Variants in COA1 observed in about 807,000 individuals in gnomAD.
COA1 encodes cytochrome c oxidase assembly factor 1, also known as cytochrome c oxidase assembly factor 1 homolog.
Under a neutral mutation model 16.0 loss-of-function variants are expected in COA1, and 13 were observed. The ratio of observed to expected loss-of-function variants is 0.81; its 90% CI spans 0.53 to 1.29. The LOEUF (loss-of-function observed/expected upper bound fraction) is 1.29. COA1 is among the 50% of genes most tolerant of loss of function. The pLI, the probability that COA1 is intolerant of heterozygous loss-of-function variation, is 0.00. For synonymous variants in COA1, 65 were observed against 65.7 expected, an observed-to-expected ratio of 0.99 and a Z score of 0.05; for missense variants, 179 against 177.0, an observed-to-expected ratio of 1.01 and a Z score of -0.06.
intron 1 of COA1, among the ~76,000 whole-genome samples, chr7:43,682,724 G>A (rs1213644892): frequency 2.6e-5 from 4 of 151,868 alleles, no homozygotes; most frequent in African/African-American, 9.7e-5. Flanking sequence ...GATAATCAAG[G>A]AAATGACAAA....
chr7:43,625,440 T>A (rs2084399786), intron 6 of COA1: 1 of 152,230 alleles, frequency 6.6e-6, no homozygotes, highest in Non-Finnish European at 1.5e-5. Context: ...TAGTAACATA[T>A]CAGTGAAAAA....
At chr7:43,678,155 T>C (rs947572085) in intron 1 of COA1, among the ~76,000 whole-genome samples, 1 of 152,182 alleles carries the variant, frequency 6.6e-6, no homozygotes, top group Non-Finnish European at 1.5e-5. Context: ...ACTTAGTAAT[T>C]TGTATAAAGT....
At chr7:43,630,220 T>C (rs1244625654) in intron 6 of COA1, among the ~76,000 whole-genome samples, 1 of 152,180 alleles carries the variant, frequency 6.6e-6, no homozygotes, top group Admixed American at 6.5e-5. Context: ...AAATAGATAT[T>C]TTCTATTTAA....
chr7:43,659,612 A>G (rs2092218812), intron 1 of COA1, among the ~76,000 whole-genome samples: 1 of 152,194 alleles, frequency 6.6e-6, no homozygotes, highest in African/African-American at 2.4e-5. Context: ...AAAAACATTT[A>G]TAAAAATAAA....
intron 1 of COA1, among the ~76,000 whole-genome samples, chr7:43,653,988 A>G (rs867613345): frequency 1.1e-4 from 17 of 152,340 alleles, no homozygotes; most frequent in Middle Eastern, 3.4e-3. Context: ...AAAGACAGAA[A>G]GTAGGGCCTG....
chr7:43,632,259 CCATA>C (rs1320391685), intron 6 of COA1: 1 of 160,076 alleles, frequency 6.2e-6, no homozygotes, highest in African/African-American at 2.4e-5. Flanking sequence ...AACTTCTCAT[CCATA>C]CAAGTTTGAT....
At chr7:43,710,348 CAAAAAAAAAAA>C (rs1165121530) in intron 1 of COA1, among the ~76,000 whole-genome samples, 4 of 52,446 alleles carry the variant, frequency 7.6e-5, no homozygotes, top group African/African-American at 1.4e-4. Flanking sequence ...GACTCTGTCT[CAAAAAAAAAAA>C]AAAAAAAAAA....
intron 1 of COA1, among the ~76,000 whole-genome samples, chr7:43,698,684 T>G (rs1026894318): frequency 5.3e-5 from 8 of 152,206 alleles, no homozygotes; most frequent in Admixed American, 3.9e-4. Flanking sequence ...TATAAATTGT[T>G]AGTGGCTGTG....
chr7:43,611,884 C>A (rs1583603008), intron 6 of COA1, among the ~76,000 whole-genome samples: 2 of 152,206 alleles, frequency 1.3e-5, no homozygotes, highest in Non-Finnish European at 2.9e-5. Flanking sequence ...CAGCTTATGA[C>A]AGTTGAACCT....
chr7:43,673,365 G>A (rs987732857), intron 1 of COA1, among the ~76,000 whole-genome samples: 3 of 152,098 alleles, frequency 2.0e-5, no homozygotes, highest in African/African-American at 4.8e-5. Context: ...AAGAAGACAT[G>A]TAAGTGGCCA....
At chr7:43,660,875 T>C (rs1021554214) in intron 1 of COA1, among the ~76,000 whole-genome samples, 2 of 152,218 alleles carry the variant, frequency 1.3e-5, no homozygotes, top group Admixed American at 6.5e-5. Flanking sequence ...CATTCTTCAA[T>C]GGCTCCCCAT....
chr7:43,729,254 G>A (rs2095690042), intron 1 of COA1, among the ~76,000 whole-genome samples, 175 bp downstream of exon 1: 1 of 152,222 alleles, frequency 6.6e-6, no homozygotes, highest in African/African-American at 2.4e-5. Context: ...AGGTGCCAAA[G>A]AAGCTGCGCA....
intron 3 of COA1, 168 bp from the exon 4 acceptor site, chr7:43,645,567 C>G (rs1047122761): frequency 8.0e-6 from 5 of 621,828 alleles, no homozygotes; most frequent in African/African-American, 3.7e-5. Context: ...ATTTTACAGA[C>G]TCAAAAACCA....
At chr7:43,710,065 A>T (rs1019315579) in intron 1 of COA1, among the ~76,000 whole-genome samples, 2 of 152,104 alleles carry the variant, frequency 1.3e-5, no homozygotes, top group African/African-American at 4.8e-5. Context: ...AATTATTATG[A>T]GTTGCCAGAT....
intron 1 of COA1, among the ~76,000 whole-genome samples, chr7:43,712,390 G>A (rs2095279216): frequency 6.6e-6 from 1 of 152,152 alleles, no homozygotes; most frequent in African/African-American, 2.4e-5. Flanking sequence ...TGGGATTACA[G>A]GTGTGAGCCA....
At chr7:43,728,043 C>T (rs1478963373) in intron 1 of COA1, among the ~76,000 whole-genome samples, 1 of 150,154 alleles carries the variant, frequency 6.7e-6, no homozygotes, top group Admixed American at 6.7e-5. Context: ...GGCGCAATCT[C>T]GGCTCACTGC....
At chr7:43,610,426 G>A (rs2152977112) in intron 6 of COA1, among the ~76,000 whole-genome samples, 1 of 151,760 alleles carries the variant, frequency 6.6e-6, no homozygotes, top group South Asian at 2.1e-4. Flanking sequence ...AGCACTTTGG[G>A]AGGCCGAGCC....
In COA1 at chr7:43,645,333, T is replaced by C; in HGVS notation, c.182A>G (p.Gln61Arg). ...VEQLQSHPEAQEALGPPLNIH... is the reference protein window; with the variant it reads ...VEQLQSHPEAREALGPPLNIH... ...GTTGAGAGGAGGGCCCAGAGCTTCC[T>C]GTGCCTCGGGATGGCTCTGCAGCTG... Residue 61 changes from glutamine to arginine, a missense_variant, in exon 4 of 6, where the codon CAG becomes CGG. Physicochemically the swap from Gln to Arg is conservative, Grantham distance 43. Transcript: ENST00000223336. 6.2e-7 allele frequency: 1 copy of C among 1,614,048 alleles called. No individual in the cohort carries two copies. The highest frequency in any genetic ancestry group is 8.5e-7 in the Non-Finnish European group (1 of 1,179,914).
chr7:43,653,734 C>T (rs1185744560), intron 1 of COA1, among the ~76,000 whole-genome samples: 2 of 151,814 alleles, frequency 1.3e-5, no homozygotes, highest in Non-Finnish European at 1.5e-5. Context: ...AAAGTAATGG[C>T]GAAAACCACA....
Sources: gnomAD v4.1 joint callset for allele counts (sites outside exome capture counted in the v4.1 genomes callset) on GRCh38, gnomAD v4.1.1 for gene constraint, MANE v1.5 for transcripts, NCBI Gene and HGNC (gene_info 2026-07-23, HGNC 2026-07-21) for gene names.